MCMDC2: variants seen among roughly 807,000 people sequenced by gnomAD.
MCMDC2 encodes the protein minichromosome maintenance domain containing 2, also known as minichromosome maintenance domain-containing protein 2.
A neutral mutation model predicts 75.8 loss-of-function variants in MCMDC2; 54 were observed. The observed-to-expected ratio is 0.71, with a 90% confidence interval of 0.57 to 0.89. The LOEUF is 0.89. Ranked by LOEUF, MCMDC2 falls within the 40% of genes least tolerant of loss-of-function variation. The pLI, the probability that MCMDC2 is intolerant of heterozygous loss-of-function variation, is 0.00. For missense variants in MCMDC2, 656 were observed against 780.4 expected (o/e 0.84, Z 1.90); for synonymous variants, 249 against 274.6 (o/e 0.91, Z 0.92).
chr8:66,875,141 A>G (rs1811217900), intron 4 of MCMDC2, among the ~76,000 whole-genome samples: 2 of 152,176 alleles, frequency 1.3e-5, no homozygotes, highest in South Asian at 4.1e-4. Context: ...TCTACCACTC[A>G]ACTCAGATTC....
chr8:66,912,192 T>G (rs1268400143), intron 14 of MCMDC2, among the ~76,000 whole-genome samples: 1 of 152,074 alleles, frequency 6.6e-6, no homozygotes, highest in East Asian at 1.9e-4. Context: ...CTGGATGACT[T>G]GGAGGGGTTC....
chr8:66,913,397 T>C (rs911485287), intron 14 of MCMDC2, among the ~76,000 whole-genome samples: 5 of 152,202 alleles, frequency 3.3e-5, no homozygotes, highest in African/African-American at 1.2e-4. Flanking sequence ...GAGGTATGGC[T>C]GTATATATTA....
At chr8:66,918,714 T>C (rs1813411024) in intron 14 of MCMDC2, among the ~76,000 whole-genome samples, 1 of 152,162 alleles carries the variant, frequency 6.6e-6, no homozygotes, top group Non-Finnish European at 1.5e-5. Flanking sequence ...AACTTTAAAA[T>C]ATAAACATCA....
At chr8:66,895,919 G>A (rs1159422437) in intron 10 of MCMDC2, among the ~76,000 whole-genome samples, 1 of 152,070 alleles carries the variant, frequency 6.6e-6, no homozygotes, top group African/African-American at 2.4e-5. Flanking sequence ...AGTCCACTCA[G>A]GTGCCCAGCC....
chr8:66,889,658 G>A (rs902582244), intron 9 of MCMDC2, among the ~76,000 whole-genome samples: 1 of 152,120 alleles, frequency 6.6e-6, no homozygotes, highest in Non-Finnish European at 1.5e-5. Flanking sequence ...ATTGAGCCAG[G>A]CACGGTGGCT....
intron 7 of MCMDC2, among the ~76,000 whole-genome samples, chr8:66,880,358 C>G (rs1316721791): frequency 6.6e-6 from 1 of 152,184 alleles, no homozygotes. Flanking sequence ...TGCCACTGCA[C>G]TACAGCCTGG....
At chr8:66,893,293 GAGGCC>G (rs1563378437) in intron 10 of MCMDC2, among the ~76,000 whole-genome samples, 1 of 152,148 alleles carries the variant, frequency 6.6e-6, no homozygotes, top group Non-Finnish European at 1.5e-5. Context: ...AGGATTGCTG[GAGGCC>G]AGGAGTTCTA....
intron 9 of MCMDC2, among the ~76,000 whole-genome samples, chr8:66,886,240 C>T (rs1263819434): frequency 6.6e-6 from 1 of 150,572 alleles, no homozygotes; most frequent in Non-Finnish European, 1.5e-5. Flanking sequence ...TCTTGGCTCA[C>T]TGCAACCTCC....
At chr8:66,871,180 T>G (rs1031737402) in intron 1 of MCMDC2, among the ~76,000 whole-genome samples, 1 of 152,162 alleles carries the variant, frequency 6.6e-6, no homozygotes, top group African/African-American at 2.4e-5. Flanking sequence ...GGGCCTCCGC[T>G]TTACGCAGTG....
chr8:66,926,269 A>G (rs959934066), downstream of MCMDC2: 1 of 152,216 alleles, frequency 6.6e-6, no homozygotes, highest in African/African-American at 2.4e-5. Flanking sequence ...TCATTGTATT[A>G]TAGAATCCTG....
At chr8:66,876,969 C>A (rs1345011235) in intron 4 of MCMDC2, among the ~76,000 whole-genome samples, 2 of 152,026 alleles carry the variant, frequency 1.3e-5, no homozygotes, top group Non-Finnish European at 2.9e-5. Context: ...ACCATGTTAG[C>A]CAGGATGGTC....
rs192553520 is a variant in MCMDC2, at chr8:66,885,824, A to G, written c.1073+1830A>G. ...TGGTGATTTCTGTCACCATAGATTA[A>G]TTTTCCTGTTCTTGAACTTCAGATA... is the stretch of plus-strand genomic sequence containing the variant. On this transcript the variant is annotated intron_variant, in intron 9 of 14. Coordinates refer to ENST00000422365, the MANE Select transcript of MCMDC2 (RefSeq NM_173518.5). Among the ~76,000 whole-genome samples, 336 of 152,204 alleles carry G rather than the reference A, an allele frequency of 2.2e-3. 2 individuals carry two copies. Among genetic ancestry groups the G allele is most frequent in the African/African-American group, 7.7e-3 (320 of 41,522 alleles).
chr8:66,890,430 G>C (rs1321021826), intron 9 of MCMDC2, among the ~76,000 whole-genome samples: 1 of 151,808 alleles, frequency 6.6e-6, no homozygotes, highest in Non-Finnish European at 1.5e-5. Flanking sequence ...CCAGGATGAA[G>C]ACATTTTTTA....
At chr8:66,882,176 T>C (rs1811604792) in intron 8 of MCMDC2, among the ~76,000 whole-genome samples, 1 of 152,020 alleles carries the variant, frequency 6.6e-6, no homozygotes, top group Non-Finnish European at 1.5e-5. Flanking sequence ...TGGATAGGAA[T>C]TGATATAAGG....
chr8:66,901,176 T>C (rs1812639920), intron 12 of MCMDC2, 30 bp from the exon 13 acceptor site: 1 of 1,531,150 alleles, frequency 6.5e-7, no homozygotes, highest in South Asian at 1.1e-5. Context: ...TAATAAAGCT[T>C]GATTATCTTG....
intron 10 of MCMDC2, among the ~76,000 whole-genome samples, 182 bp from the exon 11 acceptor site, chr8:66,895,988 G>C (rs538883565): frequency 4.6e-5 from 7 of 152,272 alleles, no homozygotes; most frequent in Admixed American, 3.9e-4. Context: ...GACACATAAG[G>C]CTTCAAATAC....
At chr8:66,892,355 G>T (rs1360450765) in intron 10 of MCMDC2, among the ~76,000 whole-genome samples, 4 of 152,224 alleles carry the variant, frequency 2.6e-5, no homozygotes. Context: ...CAGCAAGCCT[G>T]CCAGGAGAAT....
intron 10 of MCMDC2, among the ~76,000 whole-genome samples, chr8:66,895,506 A>G (rs1812312237): frequency 6.6e-6 from 1 of 151,120 alleles, no homozygotes; most frequent in Non-Finnish European, 1.5e-5. Context: ...TCCTGGGCTC[A>G]AGCAATTCTC....
intron 13 of MCMDC2, among the ~76,000 whole-genome samples, chr8:66,902,410 C>T (rs910922402): frequency 3.3e-5 from 5 of 151,168 alleles, no homozygotes; most frequent in African/African-American, 1.2e-4. Context: ...AAAAAAAAGC[C>T]TGGCCTAGTG....
Sources: gnomAD v4.1 joint callset for allele counts (sites outside exome capture counted in the v4.1 genomes callset) on GRCh38, gnomAD v4.1.1 for gene constraint, MANE v1.5 for transcripts, NCBI Gene and HGNC (gene_info 2026-07-23, HGNC 2026-07-21) for gene names.